The following UBN2 variants were observed in gnomAD, a reference collection of about 807,000 sequenced individuals.
The protein encoded by UBN2 is ubinuclein-2.
A neutral mutation model predicts 120.2 loss-of-function variants in UBN2; 35 were observed. The observed-to-expected ratio is 0.29, with a 90% confidence interval of 0.22 to 0.39. UBN2 has a LOEUF of 0.39. Ranked by LOEUF, UBN2 falls within the 10% of genes least tolerant of loss-of-function variation. The pLI, the probability that UBN2 is intolerant of heterozygous loss-of-function variation, is 1.00. For synonymous variants in UBN2, 661 were observed against 648.7 expected, an observed-to-expected ratio of 1.02 and a Z score of -0.29; for missense variants, 1,693 against 1,663.2, an observed-to-expected ratio of 1.02 and a Z score of -0.31.
At chr7:139,294,861 C>G (rs1348530985) in intron 17 of UBN2, among the ~76,000 whole-genome samples, 2 of 152,076 alleles carry the variant, frequency 1.3e-5, no homozygotes, top group African/African-American at 2.4e-5. Flanking sequence ...TTAATATGAT[C>G]CAAGCTGTAT....
the UBN2 span, among the ~76,000 whole-genome samples, chr7:139,323,462 C>G: frequency 6.6e-6 from 1 of 151,942 alleles, no homozygotes; most frequent in Non-Finnish European, 1.5e-5. Flanking sequence ...AGGCTTCGTT[C>G]CCAAATTTTT....
At position 139,303,315 on chromosome 7, in the gene UBN2, A is replaced by G. The variant is rs1798302420; in HGVS notation, c.*5479A>G. 1 of 152,244 alleles carries G rather than the reference A, an allele frequency of 6.6e-6. No homozygotes were observed. 9.4% of individuals were successfully genotyped at this position (152,244 alleles called of 1,614,324 possible). ...TTCATCGATTTTTTGTTGAAAACAAATAGATGTGACATGTTAAGGGAGACC... is the reference window on the plus strand; with the variant it reads ...TTCATCGATTTTTTGTTGAAAACAAGTAGATGTGACATGTTAAGGGAGACC... On this transcript the variant is annotated 3_prime_UTR_variant, in exon 18 of 18. Coordinates refer to ENST00000473989, the MANE Select transcript of UBN2 (RefSeq NM_173569.4).
intron 6 of UBN2, among the ~76,000 whole-genome samples, chr7:139,262,031 C>T (rs544318546): frequency 2.6e-4 from 39 of 151,056 alleles, no homozygotes; most frequent in South Asian, 1.2e-3. Flanking sequence ...GATCCGCCTG[C>T]CTTGGCCTCC....
chr7:139,308,932 T>C (rs1341072365), downstream of UBN2, among the ~76,000 whole-genome samples: 1 of 152,154 alleles, frequency 6.6e-6, no homozygotes, highest in Non-Finnish European at 1.5e-5. Context: ...TAGCTGGGCA[T>C]GGTGGCATGT....
chr7:139,275,880 T>C (rs1415740840), intron 11 of UBN2, among the ~76,000 whole-genome samples: 1 of 152,168 alleles, frequency 6.6e-6, no homozygotes, highest in Non-Finnish European at 1.5e-5. Flanking sequence ...AAAGCTGAGT[T>C]GGGAGGACCA....
chr7:139,293,663 A>G lies in UBN2; in HGVS notation c.3901+200A>G, dbSNP rs1015924879. On this transcript the variant is annotated intron_variant, in intron 16 of 17. Coordinates refer to ENST00000473989, the MANE Select transcript of UBN2 (RefSeq NM_173569.4). ...TTTATATACAGTTTTTAAGCTATCT[A>G]TACCACATTTCCATCTTAATGAAAT... The G allele has an allele frequency of 4.7e-6, 3 of 642,512 alleles. No homozygotes were observed. The Admixed American group carries it at 8.8e-5, about 19-fold the overall frequency. The allele number at this position is 642,512 out of a possible 1,614,324, so 39.8% of individuals were successfully genotyped here.
chr7:139,293,734 A>G (rs1412234398), intron 16 of UBN2, 155 bp from the exon 17 acceptor site: 2 of 696,570 alleles, frequency 2.9e-6, no homozygotes, highest in Admixed American at 2.7e-5. Context: ...ATACACATAC[A>G]TTAACATAAG....
chr7:139,258,749 A>G, intron 4 of UBN2, 124 bp downstream of exon 4: 1 of 754,342 alleles, frequency 1.3e-6, no homozygotes. Flanking sequence ...TGTCATGAAT[A>G]TATAATTACA....
intron 6 of UBN2, among the ~76,000 whole-genome samples, chr7:139,262,555 AC>A (rs1350773035): frequency 6.6e-6 from 1 of 152,106 alleles, no homozygotes; most frequent in Non-Finnish European, 1.5e-5. Flanking sequence ...TACTAAAAAT[AC>A]AAAAAAAAAT....
Position 139,293,977 on chromosome 7 carries a change from T to G in UBN2, c.3990T>G (p.Phe1330Leu), listed in dbSNP as rs779345882. The G allele has an allele frequency of 1.2e-6, 2 of 1,613,982 alleles. No homozygotes were observed. The highest frequency in any genetic ancestry group is 3.3e-5 in the Admixed American group (2 of 60,008). ...SPLPAHLQQAFHDGGQSKGDT... is the reference protein window; with the variant it reads ...SPLPAHLQQALHDGGQSKGDT... ...TGCCTGCACACTTACAGCAAGCATT[T>G]CACGGTGAGAACGCCACCTCCTTCA... is the stretch of plus-strand genomic sequence containing the variant. Residue 1330 changes from phenylalanine (F) to leucine (L), a missense_variant, in exon 17 of 18, where the codon TTT (phenylalanine) becomes TTG (leucine). By Grantham distance (22) the Phe-to-Leu change is conservative (BLOSUM62 0). This residue lies in a region of UBN2 where 837 missense variants were observed against 817.6 expected (regional missense o/e 1.02). Coordinates refer to ENST00000473989, the MANE Select transcript of UBN2 (RefSeq NM_173569.4).
chr7:139,288,262 GA>G, intron 15 of UBN2, among the ~76,000 whole-genome samples: 1 of 152,278 alleles, frequency 6.6e-6, no homozygotes, highest in East Asian at 1.9e-4. Flanking sequence ...TAAATGCTGT[GA>G]AAAAATTGTA....
chr7:139,244,642 C>G lies in UBN2; in HGVS notation c.562-7314C>G, dbSNP rs368040356. 3.5e-4 allele frequency among the ~76,000 whole-genome samples: 54 copies of G among 152,140 alleles called. No individual in the cohort carries two copies. In the South Asian group the frequency reaches 0.01, roughly 29 times the overall value. On this transcript the variant is annotated intron_variant, in intron 2 of 17. Coordinates refer to ENST00000473989, the MANE Select transcript of UBN2 (RefSeq NM_173569.4). ...TCTATCCCTTCTCTGTCGTAATGACCATGGTTATCTGCTTGTTGTGTATTC... is the reference window on the plus strand; with the variant it reads ...TCTATCCCTTCTCTGTCGTAATGACGATGGTTATCTGCTTGTTGTGTATTC...
At position 139,304,215 on chromosome 7, in the gene UBN2, T is replaced by C. The variant is rs958266043; in HGVS notation, c.*6379T>C. The C allele has an allele frequency of 6.6e-6, 1 of 152,106 alleles. No homozygotes were observed. The highest frequency in any genetic ancestry group is 2.4e-5 in the African/African-American group (1 of 41,422). The allele number at this position is 152,106 out of a possible 1,614,324, so 9.4% of individuals were successfully genotyped here. On this transcript the variant is annotated 3_prime_UTR_variant, in exon 18 of 18. Transcript: ENST00000473989. ...GGATACTCTTGTAGCCATTGCACCT[T>C]TGTAATTCATGCTTCTTCAACCCAT...
the UBN2 span, among the ~76,000 whole-genome samples, chr7:139,326,740 G>A: frequency 9.9e-5 from 15 of 152,224 alleles, no homozygotes; most frequent in Non-Finnish European, 2.9e-5. Context: ...CCCAGATAAT[G>A]ACTTAGACTC....
chr7:139,315,627 A>G, the UBN2 span, among the ~76,000 whole-genome samples: 2 of 151,994 alleles, frequency 1.3e-5, no homozygotes, highest in East Asian at 3.9e-4. Context: ...GTGTGGATGT[A>G]TGTTTTCAGT....
At chr7:139,258,374 C>T (rs959845304) in intron 3 of UBN2, 114 bp from the exon 4 acceptor site, 4 of 670,766 alleles carry the variant, frequency 6.0e-6, no homozygotes, top group Non-Finnish European at 9.0e-6. Flanking sequence ...TTATTGCAGT[C>T]TGTGTTGCAG....
intron 15 of UBN2, among the ~76,000 whole-genome samples, chr7:139,286,456 C>T (rs1185020077): frequency 6.6e-6 from 1 of 152,042 alleles, no homozygotes; most frequent in Admixed American, 6.6e-5. Context: ...TCAGATTTGT[C>T]CTTTATGTTA....
intron 2 of UBN2, among the ~76,000 whole-genome samples, chr7:139,238,528 A>G (rs1796224487): frequency 1.3e-5 from 2 of 151,976 alleles, no homozygotes; most frequent in South Asian, 4.2e-4. Flanking sequence ...GGTTCAAGCA[A>G]TTCTTCTGCC....
chr7:139,278,216 C>T (rs945194826), intron 12 of UBN2, among the ~76,000 whole-genome samples: 104 of 140,466 alleles, frequency 7.4e-4, no homozygotes, highest in African/African-American at 2.8e-3. Flanking sequence ...GAGTCTTGCT[C>T]TGTCGCCCAG....
Sources: allele counts gnomAD v4.1 joint callset (sites outside exome capture counted in the v4.1 genomes callset), GRCh38; gene constraint gnomAD v4.1.1; regional missense constraint gnomAD v4.1.1; transcripts MANE v1.5; gene names NCBI Gene and HGNC (gene_info 2026-07-23, HGNC 2026-07-21).